The following KDM4B variants were observed in gnomAD, a reference collection of about 807,000 sequenced individuals.
KDM4B encodes lysine demethylase 4B, also known as lysine-specific demethylase 4B.
KDM4B carries 32 observed loss-of-function variants against 125.2 expected under a neutral mutation model. The observed-to-expected ratio is 0.26, with a 90% confidence interval of 0.19 to 0.34. KDM4B has a LOEUF of 0.34. Among genes scored for constraint, KDM4B ranks in the 10% least tolerant of loss-of-function variants. KDM4B has a pLI of 1.00. For missense variants in KDM4B, 1,190 were observed against 1,577.7 expected (o/e 0.75, Z 4.16); for synonymous variants, 721 against 677.9 (o/e 1.06, Z -0.99).
intron 1 of KDM4B, among the ~76,000 whole-genome samples, chr19:4,990,770 A>G (rs1312955667): frequency 6.6e-6 from 1 of 152,186 alleles, no homozygotes; most frequent in African/African-American, 2.4e-5. Flanking sequence ...ACCCGGATGG[A>G]TAAGGCCCTT....
At chr19:5,132,866 C>T (rs2039583633) in intron 13 of KDM4B, among the ~76,000 whole-genome samples, 1 of 152,204 alleles carries the variant, frequency 6.6e-6, no homozygotes, top group African/African-American at 2.4e-5. Flanking sequence ...GGCCTCGGGG[C>T]CGCTTAGGGC....
chr19:5,104,224 C>T (rs1452144578), intron 9 of KDM4B, among the ~76,000 whole-genome samples: 1 of 152,190 alleles, frequency 6.6e-6, no homozygotes, highest in Non-Finnish European at 1.5e-5. Context: ...CAGCACAGCT[C>T]CTGGGCACCT....
chr19:4,972,421 C>T (rs1027075505), intron 1 of KDM4B, among the ~76,000 whole-genome samples: 4 of 152,136 alleles, frequency 2.6e-5, no homozygotes, highest in Admixed American at 6.5e-5. Flanking sequence ...AGTTCGGAGC[C>T]GGTTTATTAC....
intron 2 of KDM4B, among the ~76,000 whole-genome samples, chr19:5,018,492 G>A (rs2035961957): frequency 6.6e-6 from 1 of 152,244 alleles, no homozygotes; most frequent in Non-Finnish European, 1.5e-5. Context: ...GAGGAGCTCA[G>A]GGCAAACCAT....
chr19:5,043,306 T>C (rs1162721838), intron 5 of KDM4B, among the ~76,000 whole-genome samples: 3 of 129,518 alleles, frequency 2.3e-5, no homozygotes, highest in African/African-American at 9.0e-5. Flanking sequence ...TCCCGTGCTG[T>C]GTTTATCGGA....
intron 11 of KDM4B, among the ~76,000 whole-genome samples, 194 bp from the exon 12 acceptor site, chr19:5,130,882 G>T (rs1254608879): frequency 6.6e-6 from 1 of 152,256 alleles, no homozygotes; most frequent in Non-Finnish European, 1.5e-5. Flanking sequence ...GCCTGGGGGT[G>T]CCTGGCCAGG....
intron 21 of KDM4B, among the ~76,000 whole-genome samples, chr19:5,146,041 C>A (rs375815435): frequency 2.0e-5 from 3 of 152,038 alleles, no homozygotes; most frequent in Non-Finnish European, 4.4e-5. Flanking sequence ...CCCTACCCCC[C>A]GCCGTGCAGG....
At chr19:5,013,979 C>G (rs978431558) in intron 1 of KDM4B, among the ~76,000 whole-genome samples, 11 of 152,200 alleles carry the variant, frequency 7.2e-5, no homozygotes, top group South Asian at 2.1e-4. Flanking sequence ...AGGCGCAGCC[C>G]GTGGCCCGGC....
intron 7 of KDM4B, chr19:5,076,654 GAATGAGTGATGAGAGCGGCCAC>G (rs2038122134): frequency 6.1e-6 from 1 of 165,180 alleles, no homozygotes. Context: ...CTCTCTCGTT[GAATGAGTGATGAGAGCGGCCAC>G]ACTGCGTCCT....
intron 1 of KDM4B, among the ~76,000 whole-genome samples, chr19:4,970,403 A>G (rs1599321760): frequency 6.6e-6 from 1 of 151,678 alleles, no homozygotes; most frequent in Non-Finnish European, 1.5e-5. Flanking sequence ...GTCTTTTTCC[A>G]TGTGTTTCTG....
Position 4,980,024 on chromosome 19 carries a change from G to A in KDM4B, c.-109+10794G>A, listed in dbSNP as rs546054495. Among the ~76,000 whole-genome samples, 3 of 152,178 alleles carry A rather than the reference G, an allele frequency of 2.0e-5. No individual in the cohort carries two copies. The South Asian group carries it at 6.2e-4, about 32-fold the overall frequency. ...GGAGGCTGGGGCATGAGAATCGCTT[G>A]AACCCAGGAGGCGGAGGCTGCAGTG... On this transcript the variant is annotated intron_variant, in intron 1 of 22. Transcript: ENST00000159111.
chr19:5,020,416 G>A (rs188161153), intron 2 of KDM4B, among the ~76,000 whole-genome samples: 78 of 152,140 alleles, frequency 5.1e-4, no homozygotes, highest in Middle Eastern at 3.4e-3. Flanking sequence ...GTGGAATCGC[G>A]GGTCCAAGGG....
chr19:4,977,225 G>A (rs563283476), intron 1 of KDM4B, among the ~76,000 whole-genome samples: 46 of 152,264 alleles, frequency 3.0e-4, no homozygotes, highest in African/African-American at 1.0e-3. Flanking sequence ...GTGGCCGAGC[G>A]CGAAGTTGCT....
chr19:5,077,354 T>C lies in KDM4B; in HGVS notation c.677-13T>C. The C allele has an allele frequency of 6.2e-7, 1 of 1,610,632 alleles. No homozygotes were observed. Among genetic ancestry groups the C allele is most frequent in the Non-Finnish European group, 8.5e-7 (1 of 1,178,942 alleles). ...GTGGCCCAGGAGACTGACGTCTGTC[T>C]TTTCGGCCCTAGGCTTCTTCCCCGG... On this transcript the variant is annotated splice_polypyrimidine_tract_variant and intron_variant, in intron 7 of 22. Transcript: ENST00000159111.
rs372943754 is a variant in KDM4B, at chr19:5,144,305, G to A, written c.2794G>A (p.Gly932Arg). 5.0e-6 allele frequency: 8 copies of A among 1,591,152 alleles called. No homozygotes were observed. Among genetic ancestry groups the A allele is most frequent in the East Asian group, 2.3e-5 (1 of 43,698 alleles). ...GQVVITKNRN[G>R]LYYRCRVIGA... ...GGTGGTCATCACCAAGAACCGCAAC[G>A]GGCTGTACTACCGCTGTCGCGTCAT... Residue 932 changes from glycine to arginine, a missense_variant, in exon 20 of 23, where the codon GGG (glycine) becomes AGG (arginine). Around this residue, in one of 7 missense-constraint regions of KDM4B, gnomAD observed 298 missense variants for 439.7 expected, o/e 0.68. Transcript: ENST00000159111.
chr19:5,040,897 TG>T (rs2145665680), intron 4 of KDM4B, among the ~76,000 whole-genome samples: 1 of 152,352 alleles, frequency 6.6e-6, no homozygotes, highest in South Asian at 2.1e-4. Flanking sequence ...TGTTCTGATG[TG>T]GGTGCCCCGG....
At chr19:5,085,583 C>T (rs1302022070) in intron 9 of KDM4B, among the ~76,000 whole-genome samples, 1 of 152,240 alleles carries the variant, frequency 6.6e-6, no homozygotes, top group African/African-American at 2.4e-5. Context: ...CTTCCATTGT[C>T]AGGCGGCGTA....
chr19:5,047,178 CCT>C, intron 5 of KDM4B: 4 of 337,790 alleles, frequency 1.2e-5, no homozygotes, highest in Non-Finnish European at 2.2e-5. Context: ...ACGCCTATAG[CCT>C]ATAGTCCCAG....
At chr19:5,072,785 T>C (rs2037988464) in intron 7 of KDM4B, among the ~76,000 whole-genome samples, 1 of 152,194 alleles carries the variant, frequency 6.6e-6, no homozygotes. Flanking sequence ...GTTAAGGGGC[T>C]AAAACCCAGG....
Sources: allele counts gnomAD v4.1 joint callset (sites outside exome capture counted in the v4.1 genomes callset), GRCh38; gene constraint gnomAD v4.1.1; regional missense constraint gnomAD v4.1.1; transcripts MANE v1.5; gene names NCBI Gene and HGNC (gene_info 2026-07-23, HGNC 2026-07-21).